Variants in TIMM23 observed in about 807,000 individuals in gnomAD.
TIMM23 encodes translocase of inner mitochondrial membrane 23.
In TIMM23, 19 loss-of-function variants were observed where a neutral mutation model predicts 30.7. That is an observed-to-expected ratio of 0.62 (90% confidence interval 0.43 to 0.91). TIMM23 has a LOEUF of 0.91. Ranked by LOEUF, TIMM23 falls within the 40% of genes least tolerant of loss-of-function variation. TIMM23 has a pLI of 0.00. For synonymous variants in TIMM23, 78 were observed against 98.5 expected (o/e 0.79, Z 1.23); for missense variants, 202 against 269.2 (o/e 0.75, Z 1.75).
At chr10:45,990,298 T>G (rs1443241759) in intron 6 of TIMM23, among the ~76,000 whole-genome samples, 8 of 152,062 alleles carry the variant, frequency 5.3e-5, no homozygotes, top group African/African-American at 1.9e-4. Flanking sequence ...AATTCTTGTA[T>G]TTTTAGTAGA....
chr10:46,000,558 A>G (rs563155139), intron 6 of TIMM23, among the ~76,000 whole-genome samples: 12 of 152,260 alleles, frequency 7.9e-5, no homozygotes, highest in African/African-American at 2.4e-4. Context: ...CACTGTCACT[A>G]TGTTACCCCT....
intron 6 of TIMM23, among the ~76,000 whole-genome samples, chr10:45,993,717 TAATGAAATGCCAGGTGA>T (rs1838241329): frequency 1.3e-5 from 2 of 149,046 alleles, no homozygotes; most frequent in South Asian, 4.2e-4. Flanking sequence ...ATAAAATGAA[TAATGAAATGCCAGGTGA>T]AATGAAATGA....
At position 45,998,524 on chromosome 10, in the gene TIMM23, GA is replaced by G. The variant is rs1838415741; in HGVS notation, c.515-4678del. 4 of 402,244 alleles carry G rather than the reference GA, an allele frequency of 9.9e-6. No individual in the cohort carries two copies. The South Asian group carries it at 4.1e-4, about 42-fold the overall frequency. 24.9% of individuals were successfully genotyped at this position (402,244 alleles called of 1,614,324 possible). On this transcript the variant is annotated intron_variant, in intron 6 of 6. Coordinates refer to ENST00000580018, the MANE Select transcript of TIMM23 (RefSeq NM_006327.4). ...TGTGCTTAGTTGTGTAGAGTTGTTTGAGTAAAGAAACCCTAGAGACCCTTAA... is the reference window on the plus strand; with the variant it reads ...TGTGCTTAGTTGTGTAGAGTTGTTTGGTAAAGAAACCCTAGAGACCCTTAA...
At chr10:45,983,312 AGT>A (rs1209458307) in intron 4 of TIMM23, among the ~76,000 whole-genome samples, 10 of 152,154 alleles carry the variant, frequency 6.6e-5, no homozygotes, top group Non-Finnish European at 1.3e-4. Flanking sequence ...AGCTCATGAG[AGT>A]GATGGCTCAA....
chr10:45,987,011 T>A (rs1838011568), intron 5 of TIMM23, among the ~76,000 whole-genome samples: 1 of 152,202 alleles, frequency 6.6e-6, no homozygotes, highest in Admixed American at 6.5e-5. Context: ...ATGTCCCTGA[T>A]TTACTTATTA....
At chr10:45,983,218 T>A (rs1451535118) in intron 4 of TIMM23, among the ~76,000 whole-genome samples, 1 of 152,204 alleles carries the variant, frequency 6.6e-6, no homozygotes, top group Non-Finnish European at 1.5e-5. Flanking sequence ...TGTGACTTGC[T>A]TTTCAAATTG....
At chr10:45,981,691 A>G (rs1837850048) in intron 2 of TIMM23, among the ~76,000 whole-genome samples, 1 of 152,220 alleles carries the variant, frequency 6.6e-6, no homozygotes, top group Non-Finnish European at 1.5e-5. Context: ...ACTATGTTAA[A>G]TGTAACACAC....
intron 5 of TIMM23, among the ~76,000 whole-genome samples, chr10:45,987,984 A>G (rs1392041846): frequency 6.6e-6 from 1 of 152,062 alleles, no homozygotes; most frequent in African/African-American, 2.4e-5. Flanking sequence ...TGAGGCCTGG[A>G]TGGGCCCTGA....
chr10:45,985,572 T>C, intron 5 of TIMM23, 131 bp downstream of exon 5: 2 of 1,110,840 alleles, frequency 1.8e-6, no homozygotes, highest in African/African-American at 1.5e-5. Flanking sequence ...CAATGCATAA[T>C]GTAGATACTA....
chr10:45,993,653 C>T (rs1223434848), intron 6 of TIMM23, among the ~76,000 whole-genome samples: 13 of 150,412 alleles, frequency 8.6e-5, no homozygotes, highest in African/African-American at 2.5e-4. Flanking sequence ...GTCTCTGTCT[C>T]GAAATGAAAT....
chr10:45,990,610 A>ATG (rs2132268660), intron 6 of TIMM23: 1 of 377,832 alleles, frequency 2.6e-6, no homozygotes, highest in African/African-American at 2.2e-5. Context: ...TTTATCGGAG[A>ATG]TGGGGTCTCA....
intron 6 of TIMM23, among the ~76,000 whole-genome samples, chr10:45,992,023 A>G (rs1554915871): frequency 2.6e-5 from 4 of 151,858 alleles, no homozygotes; most frequent in African/African-American, 9.6e-5. Context: ...CTAAAGTGCA[A>G]TGGTGCCATC....
At chr10:45,977,020 C>T (rs1473758945) in intron 2 of TIMM23, among the ~76,000 whole-genome samples, 12 of 151,376 alleles carry the variant, frequency 7.9e-5, no homozygotes, top group African/African-American at 2.9e-4. Context: ...AGTTGATTAC[C>T]AATAACATCA....
rs1353898670 is a variant in TIMM23, at chr10:45,978,514, A to G, written c.165+3002A>G. On this transcript the variant is annotated intron_variant, in intron 2 of 6. Coordinates refer to ENST00000580018, the MANE Select transcript of TIMM23 (RefSeq NM_006327.4). ...AAAGGATTTGAGTAGACATTTCTCT[A>G]TGAAGATATACAGATGTCTAATAAT... 1.1e-3 allele frequency among the ~76,000 whole-genome samples: 170 copies of G among 152,358 alleles called. 1 individual carries two copies. The highest frequency in any genetic ancestry group is 3.9e-3 in the African/African-American group (164 of 41,586).
intron 6 of TIMM23, among the ~76,000 whole-genome samples, chr10:46,000,258 A>T (rs1554917456): frequency 6.6e-6 from 1 of 152,240 alleles, no homozygotes; most frequent in Admixed American, 6.5e-5. Flanking sequence ...TTCACAATTT[A>T]TGTTTAGAGA....
chr10:45,984,649 G>A, intron 4 of TIMM23: 2 of 230,236 alleles, frequency 8.7e-6, no homozygotes, highest in Admixed American at 8.8e-5. Flanking sequence ...CCATTCCTGG[G>A]ATCATGTTAC....
At chr10:46,002,608 T>TA in intron 6 of TIMM23, 1 of 555,630 alleles carries the variant, frequency 1.8e-6, no homozygotes, top group Non-Finnish European at 2.3e-6. Context: ...CTAAATCATA[T>TA]TACTAGCAGG....
At chr10:45,986,365 C>T (rs1341833059) in intron 5 of TIMM23, among the ~76,000 whole-genome samples, 2 of 152,096 alleles carry the variant, frequency 1.3e-5, no homozygotes, top group African/African-American at 4.8e-5. Flanking sequence ...TCCTTGTCTG[C>T]GTAGGACTGT....
At chr10:45,998,387 T>C (rs1838412423) in intron 6 of TIMM23, 1 of 985,208 alleles carries the variant, frequency 1.0e-6, no homozygotes, top group African/African-American at 1.7e-5. Flanking sequence ...GATCCCAAAA[T>C]ACAGGAGGTA....
Sources: allele counts gnomAD v4.1 joint callset (sites outside exome capture counted in the v4.1 genomes callset), GRCh38; gene constraint gnomAD v4.1.1; transcripts MANE v1.5; gene names NCBI Gene and HGNC (gene_info 2026-07-23, HGNC 2026-07-21).